The following SULF1 variants were observed in gnomAD, a reference collection of about 807,000 sequenced individuals.
SULF1 encodes extracellular sulfatase Sulf-1.
SULF1 carries 46 observed loss-of-function variants against 110.5 expected under a neutral mutation model. The ratio of observed to expected loss-of-function variants is 0.42; its 90% CI spans 0.33 to 0.53. SULF1 has a LOEUF of 0.53. Ranked by LOEUF, SULF1 falls within the 20% of genes least tolerant of loss-of-function variation. SULF1 has a pLI of 0.12. For synonymous variants in SULF1, 371 were observed against 387.1 expected, an observed-to-expected ratio of 0.96 and a Z score of 0.49; for missense variants, 941 against 1,094.2, an observed-to-expected ratio of 0.86 and a Z score of 1.98.
intron 19 of SULF1, among the ~76,000 whole-genome samples, chr8:69,632,768 T>G (rs57834560): frequency 0.016 from 2,450 of 152,312 alleles, 64 homozygotes; most frequent in African/African-American, 0.056. Context: ...TTCATGCCTG[T>G]AAACCCAGCA....
At chr8:69,595,575 A>G (rs1376770097) in intron 8 of SULF1, among the ~76,000 whole-genome samples, 2 of 152,192 alleles carry the variant, frequency 1.3e-5, no homozygotes, top group Non-Finnish European at 2.9e-5. Context: ...TAAGTGTAGA[A>G]TTTCCAATGT....
chr8:69,621,738 C>A (rs1586571189), intron 14 of SULF1, among the ~76,000 whole-genome samples: 1 of 152,162 alleles, frequency 6.6e-6, no homozygotes, highest in East Asian at 1.9e-4. Flanking sequence ...TGTTTTAATT[C>A]TGTCAAATCA....
At chr8:69,510,569 C>T (rs555944608) in intron 3 of SULF1, among the ~76,000 whole-genome samples, 2 of 151,044 alleles carry the variant, frequency 1.3e-5, no homozygotes, top group Non-Finnish European at 2.9e-5. Context: ...CAGTAATTCA[C>T]AAAGCAGAAA....
intron 1 of SULF1, among the ~76,000 whole-genome samples, chr8:69,471,616 C>T (rs1046117125): frequency 5.3e-5 from 8 of 152,178 alleles, no homozygotes; most frequent in African/African-American, 1.7e-4. Context: ...AGAGTACAGG[C>T]TCTGGGTTCA....
At position 69,659,608 on chromosome 8, in the gene SULF1, G is replaced by A. The variant is rs781353069; in HGVS notation, c.*1073G>A. On this transcript the variant is annotated 3_prime_UTR_variant, in exon 23 of 23. Coordinates refer to ENST00000402687, the MANE Select transcript of SULF1 (RefSeq NM_001128205.2). ...AAAACAGTATTATCTTTTGAATATC[G>A]TAGGGACATAAGTATATACATGTTA... The A allele has an allele frequency of 1.1e-4, 24 of 213,542 alleles. No individual in the cohort carries two copies. The highest frequency in any genetic ancestry group is 1.8e-4 in the Non-Finnish European group (19 of 104,890). 13.2% of individuals were successfully genotyped at this position (213,542 alleles called of 1,614,324 possible).
chr8:69,579,566 A>C (rs28361527), intron 6 of SULF1, among the ~76,000 whole-genome samples: 6,795 of 145,970 alleles, frequency 0.047, 133 homozygotes, highest in Middle Eastern at 0.096. Flanking sequence ...CACACACACA[A>C]AAAAAAAAAA....
chr8:69,630,388 A>C (rs542521147), intron 19 of SULF1, among the ~76,000 whole-genome samples: 1 of 152,288 alleles, frequency 6.6e-6, no homozygotes, highest in East Asian at 1.9e-4. Flanking sequence ...AAATCTTCTA[A>C]CTGAGAAGCT....
At chr8:69,467,173 C>A (rs982876875) in intron 1 of SULF1, 1 of 152,126 alleles carries the variant, frequency 6.6e-6, no homozygotes, top group Admixed American at 6.5e-5. Context: ...AAGAAAATAC[C>A]TTTGGGAGCC....
intron 2 of SULF1, among the ~76,000 whole-genome samples, chr8:69,498,113 C>CCACACACACA (rs71257190): frequency 1.4e-4 from 21 of 148,724 alleles, no homozygotes; most frequent in South Asian, 4.3e-4. Context: ...CTCTCTCTCT[C>CCACACACACA]CACACACACA....
chr8:69,629,409 A>C, intron 18 of SULF1, 95 bp from the exon 19 acceptor site: 1 of 1,281,530 alleles, frequency 7.8e-7, no homozygotes. Flanking sequence ...TTATCAAGGC[A>C]TCTAAATATT....
At chr8:69,585,801 A>G (rs980140084) in intron 6 of SULF1, among the ~76,000 whole-genome samples, 1 of 152,256 alleles carries the variant, frequency 6.6e-6, no homozygotes, top group African/African-American at 2.4e-5. Flanking sequence ...TACATGTGAT[A>G]TAAACCCTGA....
At chr8:69,552,579 T>C (rs1462544778) in intron 3 of SULF1, among the ~76,000 whole-genome samples, 2 of 152,244 alleles carry the variant, frequency 1.3e-5, no homozygotes, top group Admixed American at 6.5e-5. Context: ...AGTAGTCCAG[T>C]AGTCAAAATC....
At chr8:69,536,832 G>C (rs181560946) in intron 3 of SULF1, among the ~76,000 whole-genome samples, 56 of 152,280 alleles carry the variant, frequency 3.7e-4, no homozygotes, top group African/African-American at 1.3e-3. Flanking sequence ...CTGCCAGGAA[G>C]TCTGGTGAGA....
At chr8:69,587,100 C>T (rs1586478748) in intron 7 of SULF1, among the ~76,000 whole-genome samples, 1 of 152,260 alleles carries the variant, frequency 6.6e-6, no homozygotes, top group Middle Eastern at 3.4e-3. Context: ...ATCAACATGT[C>T]CCATAGTTCT....
intron 15 of SULF1, among the ~76,000 whole-genome samples, chr8:69,624,997 A>G (rs1198208408): frequency 6.6e-6 from 1 of 152,136 alleles, no homozygotes; most frequent in African/African-American, 2.4e-5. Context: ...TGGTGCCTGA[A>G]GTTGATGCAG....
Position 69,628,178 on chromosome 8 carries a change from A to G in SULF1, c.2050A>G (p.Asn684Asp). The G allele has an allele frequency of 6.2e-7, 1 of 1,613,216 alleles. No individual in the cohort carries two copies. Residue 684 changes from asparagine to aspartate, a missense_variant, in exon 18 of 23, where the codon AAT becomes GAT. Around this residue, in one of 3 missense-constraint regions of SULF1, gnomAD observed 822 missense variants for 934.3 expected, o/e 0.88. Transcript: ENST00000402687. ...ECSCSKQSYY[N>D]KEKGVKKQEK... ...TAATCTTCTCTCCTGCAGCTATTACAATAAAGAGAAAGGTGTAAAAAAGCA... is the reference window on the plus strand; with the variant it reads ...TAATCTTCTCTCCTGCAGCTATTACGATAAAGAGAAAGGTGTAAAAAAGCA...
intron 3 of SULF1, among the ~76,000 whole-genome samples, chr8:69,517,963 C>T (rs1258256604): frequency 6.6e-5 from 10 of 152,128 alleles, no homozygotes; most frequent in Non-Finnish European, 7.3e-5. Flanking sequence ...TTATCATAGG[C>T]ATATGGTTTG....
chr8:69,484,387 T>C (rs1417358700), intron 1 of SULF1, among the ~76,000 whole-genome samples: 3 of 152,194 alleles, frequency 2.0e-5, no homozygotes, highest in African/African-American at 7.2e-5. Context: ...GAATGAATAA[T>C]GTTCAGAGTT....
At chr8:69,518,116 G>A (rs1465361379) in intron 3 of SULF1, among the ~76,000 whole-genome samples, 7 of 151,744 alleles carry the variant, frequency 4.6e-5, no homozygotes, top group Admixed American at 6.6e-5. Flanking sequence ...CATTACCACC[G>A]CCATCTTCTA....
Sources: gnomAD v4.1 joint callset for allele counts (sites outside exome capture counted in the v4.1 genomes callset) on GRCh38, gnomAD v4.1.1 for gene constraint, gnomAD v4.1.1 regional missense constraint, MANE v1.5 for transcripts, NCBI Gene and HGNC (gene_info 2026-07-23, HGNC 2026-07-21) for gene names.